Variants in CSMD1 observed in about 807,000 individuals in gnomAD.
CSMD1 encodes the protein CUB and Sushi multiple domains 1, also known as CUB and sushi domain-containing protein 1.
A neutral mutation model predicts 417.5 loss-of-function variants in CSMD1; 213 were observed. That is an observed-to-expected ratio of 0.51 (90% CI 0.46 to 0.57). The LOEUF (loss-of-function observed/expected upper bound fraction) is 0.57. Among genes scored for constraint, CSMD1 ranks in the 20% least tolerant of loss-of-function variants. The pLI is 0.00. For synonymous variants in CSMD1, 2,862 were observed against 1,736.8 expected (o/e 1.65, Z -16.11); for missense variants, 6,923 against 4,529.7 (o/e 1.53, Z -15.17).
At chr8:4,068,242 A>AC (rs1401932943) in intron 3 of CSMD1, among the ~76,000 whole-genome samples, 1 of 151,956 alleles carries the variant, frequency 6.6e-6, no homozygotes, top group Non-Finnish European at 1.5e-5. Flanking sequence ...AATGAGGAGA[A>AC]CCCCTCAAAG....
At chr8:3,877,670 G>A (rs995651401) in intron 5 of CSMD1, among the ~76,000 whole-genome samples, 6 of 125,950 alleles carry the variant, frequency 4.8e-5, no homozygotes, top group Admixed American at 2.9e-4. Flanking sequence ...CTGAATAAGG[G>A]TCTGAGCACA....
chr8:3,110,057 G>A (rs1816402132), intron 43 of CSMD1, 101 bp downstream of exon 43: 4 of 1,018,936 alleles, frequency 3.9e-6, no homozygotes, highest in African/African-American at 1.7e-5. Flanking sequence ...TATCTAAGAA[G>A]TTTATTCTAA....
Position 4,397,486 on chromosome 8 carries a change from C to G in CSMD1, c.415+22467G>C, listed in dbSNP as rs546820665. Among the ~76,000 whole-genome samples the G allele has an allele frequency of 3.1e-3, 406 of 131,862 alleles. 3 individuals are homozygous for G. Among genetic ancestry groups the G allele is most frequent in the Middle Eastern group, 8.8e-3 (2 of 226 alleles). 86.5% of individuals were successfully genotyped at this position (131,862 alleles called of 152,430 possible). On this transcript the variant is annotated intron_variant, in intron 3 of 69. Coordinates refer to ENST00000635120, the MANE Select transcript of CSMD1 (RefSeq NM_033225.6). Reference sequence around the variant, plus strand: ...CTGTTGCAGGGTTTTCATGAAACTTCTGTGTGCCCATGAGCAATGTCAACA... The same window carrying G: ...CTGTTGCAGGGTTTTCATGAAACTTGTGTGTGCCCATGAGCAATGTCAACA...
intron 2 of CSMD1, among the ~76,000 whole-genome samples, chr8:4,527,027 A>G (rs952332214): frequency 2.6e-5 from 4 of 152,200 alleles, no homozygotes; most frequent in African/African-American, 4.8e-5. Context: ...TGAGCTGTAT[A>G]ATATTTCATA....
intron 3 of CSMD1, among the ~76,000 whole-genome samples, chr8:4,063,200 T>G (rs1799071011): frequency 6.6e-6 from 1 of 152,182 alleles, no homozygotes; most frequent in African/African-American, 2.4e-5. Flanking sequence ...ATTATCCTGA[T>G]TTGATCATGA....
At chr8:2,946,042 A>G (rs1388127827) in intron 68 of CSMD1, among the ~76,000 whole-genome samples, 1 of 152,178 alleles carries the variant, frequency 6.6e-6, no homozygotes, top group Non-Finnish European at 1.5e-5. Flanking sequence ...TCACACACCT[A>G]GACGGTGTTG....
At chr8:3,546,246 G>A (rs1006385701) in intron 10 of CSMD1, among the ~76,000 whole-genome samples, 2 of 149,906 alleles carry the variant, frequency 1.3e-5, no homozygotes, top group African/African-American at 5.0e-5. Context: ...TCAATGGCTG[G>A]CCACGTGAAT....
chr8:4,099,194 T>TCACACA (rs925698428), intron 3 of CSMD1, among the ~76,000 whole-genome samples: 14 of 143,528 alleles, frequency 9.8e-5, no homozygotes, highest in African/African-American at 3.6e-4. Flanking sequence ...ACATACACAC[T>TCACACA]CACACACACA....
At chr8:4,244,779 G>A (rs1164959526) in intron 3 of CSMD1, among the ~76,000 whole-genome samples, 1 of 151,952 alleles carries the variant, frequency 6.6e-6, no homozygotes, top group Non-Finnish European at 1.5e-5. Flanking sequence ...AAAAGAGAAG[G>A]GATATTTTAT....
chr8:3,641,692 A>G (rs531189117), intron 7 of CSMD1, among the ~76,000 whole-genome samples: 7 of 152,336 alleles, frequency 4.6e-5, no homozygotes, highest in African/African-American at 7.2e-5. Flanking sequence ...AGAGGGGGCC[A>G]GGAGCTCAGA....
At chr8:3,241,048 C>T (rs112577427) in intron 26 of CSMD1, among the ~76,000 whole-genome samples, 67,835 of 143,878 alleles carry the variant, frequency 0.47, 16,945 homozygotes, top group Admixed American at 0.63. Flanking sequence ...AGAGGTATCT[C>T]ATACTTGTGG....
chr8:4,395,809 A>T (rs999851293), intron 3 of CSMD1, among the ~76,000 whole-genome samples: 1 of 152,188 alleles, frequency 6.6e-6, no homozygotes, highest in African/African-American at 2.4e-5. Context: ...ATGCATGTGA[A>T]CCCTCAAAGT....
At chr8:4,452,280 ACTTGT>A (rs540456861) in intron 2 of CSMD1, among the ~76,000 whole-genome samples, 11 of 152,318 alleles carry the variant, frequency 7.2e-5, no homozygotes, top group African/African-American at 1.4e-4. Flanking sequence ...AAGGAGGATG[ACTTGT>A]CTTAACAACT....
At chr8:3,359,013 T>G (rs968053755) in intron 21 of CSMD1, 139 bp downstream of exon 21, 4 of 708,748 alleles carry the variant, frequency 5.6e-6, no homozygotes, top group South Asian at 3.7e-5. Context: ...TCTCCCCTGG[T>G]TGGCAGAGTG....
intron 51 of CSMD1, among the ~76,000 whole-genome samples, chr8:3,019,339 C>A (rs907963140): frequency 1.3e-5 from 2 of 152,162 alleles, no homozygotes. Flanking sequence ...TATCTCTCTA[C>A]CTTTCTTTCC....
chr8:4,228,957 G>C (rs1467057337), intron 3 of CSMD1, among the ~76,000 whole-genome samples: 1 of 152,078 alleles, frequency 6.6e-6, no homozygotes, highest in Admixed American at 6.5e-5. Context: ...GTGAGCCACT[G>C]AGCCAAGCCA....
intron 57 of CSMD1, among the ~76,000 whole-genome samples, chr8:2,970,386 T>C (rs1171960172): frequency 6.6e-6 from 1 of 152,238 alleles, no homozygotes; most frequent in African/African-American, 2.4e-5. Flanking sequence ...TATTCCACTT[T>C]CTGGGAGTGT....
intron 49 of CSMD1, 148 bp from the exon 50 acceptor site, chr8:3,052,795 T>TC: frequency 1.8e-6 from 1 of 556,202 alleles, no homozygotes; most frequent in Non-Finnish European, 2.7e-6. Flanking sequence ...CTTTTTTTTT[T>TC]CTGGAGACAA....
At chr8:4,302,613 G>C (rs1396497137) in intron 3 of CSMD1, among the ~76,000 whole-genome samples, 2 of 152,090 alleles carry the variant, frequency 1.3e-5, no homozygotes, top group Non-Finnish European at 2.9e-5. Flanking sequence ...TCTCTCCTAT[G>C]TTGTTGTGTT....
Sources: gnomAD v4.1 joint callset for allele counts (sites outside exome capture counted in the v4.1 genomes callset) on GRCh38, gnomAD v4.1.1 for gene constraint, MANE v1.5 for transcripts, NCBI Gene and HGNC (gene_info 2026-07-23, HGNC 2026-07-21) for gene names.